The following ERC2 variants were observed in gnomAD, a reference collection of about 807,000 sequenced individuals.
ERC2 encodes ERC protein 2.
In ERC2, 42 loss-of-function variants were observed where a neutral mutation model predicts 114.8. The ratio of observed to expected loss-of-function variants is 0.37; its 90% CI spans 0.29 to 0.47. The LOEUF (loss-of-function observed/expected upper bound fraction) is 0.47, where lower values mean the gene tolerates loss of function less well. Ranked by LOEUF, ERC2 falls within the 20% of genes least tolerant of loss-of-function variation. ERC2 has a pLI of 0.99. For synonymous variants in ERC2, 454 were observed against 425.5 expected (o/e 1.07, Z -0.82); for missense variants, 939 against 1,150.7 (o/e 0.82, Z 2.66).
intron 17 of ERC2, among the ~76,000 whole-genome samples, chr3:55,617,445 C>A (rs2059166956): frequency 6.6e-6 from 1 of 152,206 alleles, no homozygotes; most frequent in South Asian, 2.1e-4. Flanking sequence ...TTTGGCAAGG[C>A]TGTCTCTCAA....
At chr3:56,440,382 T>C (rs530460655) in intron 1 of ERC2, among the ~76,000 whole-genome samples, 8 of 151,966 alleles carry the variant, frequency 5.3e-5, no homozygotes, top group Admixed American at 2.0e-4. Flanking sequence ...TCTCTACTAA[T>C]AGTAAAGTAC....
At chr3:56,120,836 G>C (rs1229061983) in intron 6 of ERC2, among the ~76,000 whole-genome samples, 2 of 152,192 alleles carry the variant, frequency 1.3e-5, no homozygotes, top group African/African-American at 4.8e-5. Flanking sequence ...CCACCATTTT[G>C]TTTGCCAGGC....
chr3:56,369,056 T>G (rs1292732454), intron 2 of ERC2, among the ~76,000 whole-genome samples: 1 of 152,128 alleles, frequency 6.6e-6, no homozygotes, highest in South Asian at 2.1e-4. Flanking sequence ...TGACCTCACA[T>G]AGGGGACAGC....
At position 56,440,546 on chromosome 3, in the gene ERC2, TC is replaced by T. The variant is rs1377942871; in HGVS notation, c.-140-5400del. Among the ~76,000 whole-genome samples, 55 of 105,336 alleles carry T rather than the reference TC, an allele frequency of 5.2e-4. No individual in the cohort carries two copies. In the Middle Eastern group the frequency reaches 0.014, roughly 28 times the overall value. The allele number at this position is 105,336 out of a possible 152,430, so 69.1% of individuals were successfully genotyped here. A position where few individuals can be genotyped will look rare whatever the true frequency, so the allele number is the denominator to read the frequency against. On this transcript the variant is annotated intron_variant, in intron 1 of 17. Transcript: ENST00000288221. ...CTGGGCAACAGTGCAAGACTCTGTCTCAAAAAAAAAAAAAAAAAAGAATGGG... is the reference window on the plus strand; with the variant it reads ...CTGGGCAACAGTGCAAGACTCTGTCTAAAAAAAAAAAAAAAAAAGAATGGG...
At chr3:56,102,663 CCTTT>C (rs889562163) in intron 6 of ERC2, among the ~76,000 whole-genome samples, 3 of 152,174 alleles carry the variant, frequency 2.0e-5, no homozygotes, top group Non-Finnish European at 2.9e-5. Flanking sequence ...AATTCTGTGT[CCTTT>C]CTATTAATAT....
chr3:55,962,684 T>C (rs2068469950), intron 12 of ERC2, among the ~76,000 whole-genome samples: 3 of 152,244 alleles, frequency 2.0e-5, no homozygotes, highest in African/African-American at 7.2e-5. Context: ...AGGTCCTATT[T>C]GTTTACTCCT....
intron 3 of ERC2, among the ~76,000 whole-genome samples, chr3:56,266,459 C>T (rs190765821): frequency 6.6e-6 from 1 of 152,132 alleles, no homozygotes; most frequent in African/African-American, 2.4e-5. Context: ...GAGCAAAGGA[C>T]CTAAATAGGC....
intron 4 of ERC2, among the ~76,000 whole-genome samples, chr3:56,150,743 T>C (rs1409464767): frequency 6.6e-6 from 1 of 152,212 alleles, no homozygotes; most frequent in Non-Finnish European, 1.5e-5. Context: ...ATGCCATTTC[T>C]GGAAATATTG....
chr3:55,600,097 A>G (rs1200479051), intron 17 of ERC2, among the ~76,000 whole-genome samples: 1 of 152,194 alleles, frequency 6.6e-6, no homozygotes, highest in African/African-American at 2.4e-5. Context: ...ATATCATCAG[A>G]AAAATAGGCT....
chr3:56,170,966 C>A (rs1229064874), intron 4 of ERC2, among the ~76,000 whole-genome samples: 1 of 151,854 alleles, frequency 6.6e-6, no homozygotes, highest in Admixed American at 6.6e-5. Flanking sequence ...GGGGTTTCAC[C>A]GTGTTAGTCA....
intron 6 of ERC2, among the ~76,000 whole-genome samples, chr3:56,082,498 G>C (rs1304756999): frequency 6.6e-6 from 1 of 151,896 alleles, no homozygotes; most frequent in East Asian, 1.9e-4. Flanking sequence ...AATGAACTAA[G>C]ACAACCACCA....
At chr3:56,217,959 C>T (rs1266250237) in intron 3 of ERC2, among the ~76,000 whole-genome samples, 1 of 150,430 alleles carries the variant, frequency 6.6e-6, no homozygotes. Flanking sequence ...AAACTGGATC[C>T]CTTCCTTACA....
chr3:56,237,369 C>A (rs983248575), intron 3 of ERC2, among the ~76,000 whole-genome samples: 1 of 152,316 alleles, frequency 6.6e-6, no homozygotes. Flanking sequence ...TACTATGAAG[C>A]AACTCTGTTA....
chr3:56,235,982 T>A (rs1382736508), intron 3 of ERC2, among the ~76,000 whole-genome samples: 1 of 152,148 alleles, frequency 6.6e-6, no homozygotes, highest in Non-Finnish European at 1.5e-5. Context: ...AGTGGGAGGA[T>A]CAAATTGGAT....
At chr3:56,287,243 A>G (rs1021477140) in intron 3 of ERC2, among the ~76,000 whole-genome samples, 2 of 152,372 alleles carry the variant, frequency 1.3e-5, no homozygotes, top group South Asian at 4.1e-4. Flanking sequence ...AACAAAAACT[A>G]GGTAAAAAGT....
chr3:56,267,153 A>G (rs1469196864), intron 3 of ERC2, among the ~76,000 whole-genome samples: 2 of 152,200 alleles, frequency 1.3e-5, no homozygotes, highest in South Asian at 2.1e-4. Flanking sequence ...AAATGCTCCA[A>G]TTAGTTTTTC....
chr3:56,241,697 C>T (rs2051334632), intron 3 of ERC2, among the ~76,000 whole-genome samples: 1 of 152,116 alleles, frequency 6.6e-6, no homozygotes, highest in South Asian at 2.1e-4. Context: ...TCCCTTACTA[C>T]TTTGGACCAC....
At chr3:55,922,812 A>T (rs1207493780) in intron 13 of ERC2, among the ~76,000 whole-genome samples, 1 of 152,182 alleles carries the variant, frequency 6.6e-6, no homozygotes, top group Non-Finnish European at 1.5e-5. Flanking sequence ...TAAGCACATG[A>T]ACAAGATGCT....
chr3:55,970,828 C>T (rs1248140418), intron 12 of ERC2, among the ~76,000 whole-genome samples: 2 of 152,180 alleles, frequency 1.3e-5, no homozygotes, highest in Non-Finnish European at 2.9e-5. Context: ...ACAGCAATTC[C>T]ACTTGCAGAT....
Sources: gnomAD v4.1 joint callset for allele counts (sites outside exome capture counted in the v4.1 genomes callset) on GRCh38, gnomAD v4.1.1 for gene constraint, MANE v1.5 for transcripts, NCBI Gene and HGNC (gene_info 2026-07-23, HGNC 2026-07-21) for gene names.